Variants in VPS13C observed in about 807,000 individuals in gnomAD.
The protein encoded by VPS13C is intermembrane lipid transfer protein VPS13C.
Under a neutral mutation model 456.8 loss-of-function variants are expected in VPS13C, and 358 were observed. The observed-to-expected ratio is 0.78, with a 90% CI of 0.72 to 0.86. The LOEUF (loss-of-function observed/expected upper bound fraction) is 0.86. VPS13C is among the 40% of genes least tolerant of loss of function. The pLI is 0.00. For missense variants in VPS13C, 4,818 were observed against 4,385.4 expected (o/e 1.10, Z -2.79); for synonymous variants, 1,578 against 1,486.7 (o/e 1.06, Z -1.41).
chr15:61,869,850 C>A (rs1019487483), intron 79 of VPS13C, among the ~76,000 whole-genome samples: 2 of 152,124 alleles, frequency 1.3e-5, no homozygotes, highest in African/African-American at 4.8e-5. Flanking sequence ...GAATCAGAAA[C>A]TCTGGGGGCG....
intron 69 of VPS13C, 109 bp from the exon 70 acceptor site, chr15:61,881,937 C>T (rs1401499083): frequency 9.8e-6 from 9 of 916,552 alleles, no homozygotes; most frequent in Admixed American, 9.3e-5. Context: ...TAAGTGTCTG[C>T]GTGTATATGC....
intron 51 of VPS13C, among the ~76,000 whole-genome samples, chr15:61,927,538 C>G (rs981332459): frequency 6.6e-6 from 1 of 152,184 alleles, no homozygotes; most frequent in African/African-American, 2.4e-5. Flanking sequence ...CCCAAGAATA[C>G]CATTACCACT....
chr15:61,930,224 C>T (rs1386995433), intron 50 of VPS13C, among the ~76,000 whole-genome samples: 1 of 152,196 alleles, frequency 6.6e-6, no homozygotes, highest in East Asian at 1.9e-4. Context: ...CAACTCAAAT[C>T]ATCAAGTGTT....
At chr15:62,007,616 C>A in intron 14 of VPS13C, 137 bp from the exon 15 acceptor site, 1 of 698,016 alleles carries the variant, frequency 1.4e-6, no homozygotes, top group Non-Finnish European at 2.1e-6. Flanking sequence ...CTCAGCAATT[C>A]CCAGTAAAAT....
intron 18 of VPS13C, among the ~76,000 whole-genome samples, chr15:61,990,025 G>C (rs1220920847): frequency 2.0e-5 from 3 of 151,964 alleles, no homozygotes; most frequent in African/African-American, 7.3e-5. Flanking sequence ...AATAAGATGT[G>C]GTATTTTCAA....
chr15:61,985,935 C>T (rs1371045216), intron 18 of VPS13C, among the ~76,000 whole-genome samples: 3 of 151,942 alleles, frequency 2.0e-5, no homozygotes, highest in African/African-American at 7.3e-5. Flanking sequence ...AAAAGCACTG[C>T]TAAAACACAT....
chr15:61,884,348 T>G, intron 67 of VPS13C, 79 bp from the exon 68 acceptor site: 1 of 1,416,574 alleles, frequency 7.1e-7, no homozygotes, highest in Non-Finnish European at 9.6e-7. Flanking sequence ...CAGATTATTG[T>G]AACTATTATT....
At chr15:62,005,405 T>G (rs1403115330) in intron 15 of VPS13C, among the ~76,000 whole-genome samples, 21 of 152,100 alleles carry the variant, frequency 1.4e-4, no homozygotes, top group Non-Finnish European at 2.4e-4. Context: ...TTGAGCCTAT[T>G]TTTGTCTCTG....
At position 61,923,861 on chromosome 15, in the gene VPS13C, C is replaced by CT. The variant is rs1188960583; in HGVS notation, c.6610-1100dup. The stretch of plus-strand genomic sequence containing the variant: ...GCCATATGTGACCACCCCTCTAAAT[C>CT]TTTTTTTTTTTTTTTTTTTTTTGAG... On this transcript the variant is annotated intron_variant, in intron 53 of 84. Transcript: ENST00000644861. Among the ~76,000 whole-genome samples, 403 of 75,090 alleles carry CT rather than the reference C, an allele frequency of 5.4e-3. 34 individuals carry two copies. The highest frequency in any genetic ancestry group is 7.2e-3 in the African/African-American group (127 of 17,606). The allele number at this position is 75,090 out of a possible 152,430, so 49.3% of individuals were successfully genotyped here. A position where few individuals can be genotyped will look rare whatever the true frequency, so the allele number is the denominator to read the frequency against.
At chr15:61,926,150 G>A (rs2043840419) in intron 52 of VPS13C, among the ~76,000 whole-genome samples, 1 of 152,152 alleles carries the variant, frequency 6.6e-6, no homozygotes, top group Non-Finnish European at 1.5e-5. Flanking sequence ...TATAATCCCG[G>A]CACTTTTGGA....
chr15:62,021,486 A>C (rs2047459293), intron 8 of VPS13C, among the ~76,000 whole-genome samples: 1 of 151,920 alleles, frequency 6.6e-6, no homozygotes, highest in Non-Finnish European at 1.5e-5. Flanking sequence ...GTTGCAATCC[A>C]CAGTGCTTAA....
Position 61,950,940 on chromosome 15 carries a change from G to A in VPS13C, c.4536+5C>T. 1 of 1,574,932 alleles carries A rather than the reference G, an allele frequency of 6.3e-7. No individual in the cohort carries two copies. Among genetic ancestry groups the A allele is most frequent in the Non-Finnish European group, 8.6e-7 (1 of 1,156,752 alleles). On this transcript the variant is annotated splice_donor_5th_base_variant and intron_variant, in intron 40 of 84. Coordinates refer to ENST00000644861, the MANE Select transcript of VPS13C (RefSeq NM_020821.3). Reference sequence around the variant, plus strand: ...TTAAAGAATCCTAGAAATGAAACTAGTTACCTTTGTCAGTAACATTTTCAG... The same window carrying A: ...TTAAAGAATCCTAGAAATGAAACTAATTACCTTTGTCAGTAACATTTTCAG...
chr15:61,874,734 C>T, intron 77 of VPS13C, 142 bp downstream of exon 77: 1 of 665,558 alleles, frequency 1.5e-6, no homozygotes, highest in Non-Finnish European at 2.2e-6. Flanking sequence ...CATTTAAAAA[C>T]ATGGGAAACA....
At chr15:61,926,638 G>A (rs973646145) in intron 52 of VPS13C, among the ~76,000 whole-genome samples, 4 of 152,100 alleles carry the variant, frequency 2.6e-5, no homozygotes, top group Non-Finnish European at 5.9e-5. Context: ...GTAATTAACT[G>A]ACTAAAATCA....
chr15:61,962,874 T>G lies in VPS13C; in HGVS notation c.3332-22A>C, dbSNP rs758636441. The G allele has an allele frequency of 6.7e-6, 10 of 1,501,970 alleles. 1 individual carries two copies. In the South Asian group the frequency reaches 1.2e-4, roughly 19 times the overall value. 93.0% of individuals were successfully genotyped at this position (1,501,970 alleles called of 1,614,324 possible). Reference sequence around the variant, plus strand: ...AGTCCTGAAAAAAAGAGTGTATTATTATAATTTCTACAGACCTACCATAAA... The same window carrying G: ...AGTCCTGAAAAAAAGAGTGTATTATGATAATTTCTACAGACCTACCATAAA... On this transcript the variant is annotated intron_variant, in intron 32 of 84. Coordinates refer to ENST00000644861, the MANE Select transcript of VPS13C (RefSeq NM_020821.3).
At chr15:61,951,090 A>G in intron 39 of VPS13C, 66 bp from the exon 40 acceptor site, 4 of 1,008,614 alleles carry the variant, frequency 4.0e-6, no homozygotes, top group Non-Finnish European at 5.9e-6. Context: ...AAACAGGACC[A>G]GCCAAATGTA....
At chr15:61,981,274 A>C (rs2045877816) in intron 22 of VPS13C, 68 bp downstream of exon 22, 2 of 1,466,974 alleles carry the variant, frequency 1.4e-6, no homozygotes, top group South Asian at 3.0e-5. Context: ...AAAAAACAGC[A>C]AACTGTTGGA....
At chr15:62,005,414 T>C (rs182579697) in intron 15 of VPS13C, among the ~76,000 whole-genome samples, 1,659 of 152,306 alleles carry the variant, frequency 0.011, 39 homozygotes, top group African/African-American at 0.038. Context: ...TTTTTGTCTC[T>C]GCACGTGAGA....
chr15:62,056,975 A>G (rs919252542), intron 1 of VPS13C, among the ~76,000 whole-genome samples: 1 of 152,082 alleles, frequency 6.6e-6, no homozygotes, highest in African/African-American at 2.4e-5. Context: ...TATCCAATAA[A>G]TAACAGCGCA....
Sources: allele counts gnomAD v4.1 joint callset (sites outside exome capture counted in the v4.1 genomes callset), GRCh38; gene constraint gnomAD v4.1.1; transcripts MANE v1.5; gene names NCBI Gene and HGNC (gene_info 2026-07-23, HGNC 2026-07-21).